The following NCALD variants were observed in gnomAD, a reference collection of about 807,000 sequenced individuals.
The protein encoded by NCALD is neurocalcin-delta.
NCALD carries 10 observed loss-of-function variants against 18.6 expected under a neutral mutation model. The observed-to-expected ratio is 0.54, with a 90% CI of 0.33 to 0.91. NCALD has a LOEUF of 0.91. Among genes scored for constraint, NCALD ranks in the 40% least tolerant of loss-of-function variants. The pLI, the probability that NCALD is intolerant of heterozygous loss-of-function variation, is 0.03. For synonymous variants in NCALD, 88 were observed against 87.4 expected (o/e 1.01, Z -0.04); for missense variants, 184 against 247.6 (o/e 0.74, Z 1.72).
At chr8:102,105,930 A>G (rs1052505342) in intron 1 of NCALD, among the ~76,000 whole-genome samples, 8 of 152,174 alleles carry the variant, frequency 5.3e-5, no homozygotes, top group African/African-American at 1.9e-4. Flanking sequence ...TCCGTGAGAT[A>G]ATATACTCGG....
intron 2 of NCALD, among the ~76,000 whole-genome samples, chr8:101,990,154 A>G (rs190806529): frequency 1.4e-4 from 21 of 152,344 alleles, no homozygotes; most frequent in Admixed American, 2.6e-4. Flanking sequence ...TCCACAAGGA[A>G]TCACCAATTA....
intron 3 of NCALD, among the ~76,000 whole-genome samples, chr8:101,912,498 T>G (rs1267333982): frequency 1.3e-5 from 2 of 152,246 alleles, no homozygotes; most frequent in Non-Finnish European, 2.9e-5. Context: ...CTTCAGATAA[T>G]CCTAATTCTC....
At chr8:101,854,209 G>A (rs1337198925) in intron 4 of NCALD, among the ~76,000 whole-genome samples, 1 of 152,164 alleles carries the variant, frequency 6.6e-6, no homozygotes, top group African/African-American at 2.4e-5. Context: ...GGTGCTGCCT[G>A]GGGTAGCTCT....
rs541510261 is a variant in NCALD at position 101,730,435 on chromosome 8, G to A, written c.-19-10787C>T. On this transcript the variant is annotated intron_variant, in intron 1 of 3. Transcript: ENST00000220931. The stretch of plus-strand genomic sequence containing the variant: ...GTGGAGGTTGTGGTGATCCAAGATC[G>A]TGCCACTGCACTCCAGCCTGGGCAA... 6.5e-4 allele frequency among the ~76,000 whole-genome samples: 83 copies of A among 127,086 alleles called. 2 individuals carry two copies. The highest frequency in any genetic ancestry group is 1.9e-3 in the African/African-American group (59 of 31,100). The allele number at this position is 127,086 out of a possible 152,430, so 83.4% of individuals were successfully genotyped here.
intron 1 of NCALD, among the ~76,000 whole-genome samples, chr8:102,062,625 C>T (rs1823884162): frequency 6.6e-6 from 1 of 152,238 alleles, no homozygotes; most frequent in Non-Finnish European, 1.5e-5. Flanking sequence ...ACAATAAACA[C>T]TTATTTCTTG....
At chr8:102,090,174 A>G (rs1824878756) in intron 1 of NCALD, among the ~76,000 whole-genome samples, 1 of 152,182 alleles carries the variant, frequency 6.6e-6, no homozygotes, top group Non-Finnish European at 1.5e-5. Context: ...TAAATGTGTT[A>G]TTGGTATGTG....
intron 1 of NCALD, among the ~76,000 whole-genome samples, chr8:101,772,121 CA>C: frequency 6.6e-6 from 1 of 152,238 alleles, no homozygotes; most frequent in East Asian, 1.9e-4. Context: ...GTTGAAATGG[CA>C]AAAACTGTAG....
chr8:101,999,111 GT>G (rs1423344229), intron 2 of NCALD, among the ~76,000 whole-genome samples: 1 of 140,504 alleles, frequency 7.1e-6, no homozygotes, highest in African/African-American at 2.6e-5. Context: ...AGAAAGTCCA[GT>G]TCTAAAGACT....
chr8:101,724,615 C>A (rs575607027), intron 1 of NCALD, among the ~76,000 whole-genome samples: 2 of 152,210 alleles, frequency 1.3e-5, no homozygotes, highest in East Asian at 1.9e-4. Flanking sequence ...CAGGGCCAGA[C>A]GCTGCCATAA....
intron 2 of NCALD, among the ~76,000 whole-genome samples, chr8:101,982,084 C>G (rs1820640753): frequency 6.6e-6 from 1 of 152,124 alleles, no homozygotes; most frequent in Non-Finnish European, 1.5e-5. Context: ...TGCTTGCTCC[C>G]CCTGTACCGT....
chr8:101,754,964 C>G (rs1340675198), intron 1 of NCALD, among the ~76,000 whole-genome samples: 1 of 152,222 alleles, frequency 6.6e-6, no homozygotes, highest in Non-Finnish European at 1.5e-5. Flanking sequence ...TGCTAAAGAG[C>G]GATCCAGACA....
In NCALD at chr8:101,688,100, T is replaced by C. The variant is rs1131862; in HGVS notation, c.*1209A>G. On this transcript the variant is annotated 3_prime_UTR_variant, in exon 4 of 4. Transcript: ENST00000220931. ...ACCACTGGGAAGTTCCAAGAATGTA[T>C]GTGATGTTTTTTCGAGTCTGCAGAG... The C allele has an allele frequency of 0.23, 34,422 of 152,490 alleles. 4,306 individuals carry two copies. The highest frequency in any genetic ancestry group is 0.33 in the Middle Eastern group (96 of 294). 9.4% of individuals were successfully genotyped at this position (152,490 alleles called of 1,614,324 possible). A position where few individuals can be genotyped will look rare whatever the true frequency, so the allele number is the denominator to read the frequency against.
At chr8:101,764,267 G>A (rs1290948493) in intron 1 of NCALD, among the ~76,000 whole-genome samples, 1 of 152,104 alleles carries the variant, frequency 6.6e-6, no homozygotes, top group Non-Finnish European at 1.5e-5. Flanking sequence ...AACATCTAAA[G>A]ATCAGAGACT....
intron 3 of NCALD, among the ~76,000 whole-genome samples, chr8:101,913,651 C>G (rs754015862): frequency 6.6e-6 from 1 of 152,144 alleles, no homozygotes; most frequent in South Asian, 2.1e-4. Flanking sequence ...GGCACAATCT[C>G]GGCTCACCAC....
At chr8:102,012,629 G>A (rs1328454725) in intron 2 of NCALD, among the ~76,000 whole-genome samples, 1 of 152,222 alleles carries the variant, frequency 6.6e-6, no homozygotes, top group East Asian at 1.9e-4. Context: ...TGTTTCTTGA[G>A]AAGCAATGCA....
chr8:101,736,272 C>T (rs943612802), intron 1 of NCALD, among the ~76,000 whole-genome samples: 2 of 152,180 alleles, frequency 1.3e-5, no homozygotes, highest in Non-Finnish European at 2.9e-5. Context: ...GTATGTATAG[C>T]ATCATCAATC....
chr8:102,107,045 A>G (rs910255907), intron 1 of NCALD, among the ~76,000 whole-genome samples: 3 of 151,782 alleles, frequency 2.0e-5, no homozygotes, highest in Non-Finnish European at 4.4e-5. Flanking sequence ...TCCCTTTCCA[A>G]GTAAGTACTA....
intron 1 of NCALD, among the ~76,000 whole-genome samples, chr8:101,775,298 T>C (rs181704060): frequency 6.6e-6 from 1 of 152,300 alleles, no homozygotes; most frequent in East Asian, 1.9e-4. Context: ...AGAACTTGCC[T>C]CTCATGTTAT....
chr8:101,995,566 G>A (rs1436361542), intron 2 of NCALD, among the ~76,000 whole-genome samples: 3 of 152,016 alleles, frequency 2.0e-5, no homozygotes, highest in Non-Finnish European at 4.4e-5. Flanking sequence ...AAGGGGAGGT[G>A]CCACACACTT....
Sources: gnomAD v4.1 joint callset for allele counts (sites outside exome capture counted in the v4.1 genomes callset) on GRCh38, gnomAD v4.1.1 for gene constraint, MANE v1.5 for transcripts, NCBI Gene and HGNC (gene_info 2026-07-23, HGNC 2026-07-21) for gene names.